Variants in SRBD1 observed in about 807,000 individuals in gnomAD.
SRBD1 encodes S1 RNA-binding domain-containing protein 1.
In SRBD1, 88 loss-of-function variants were observed where a neutral mutation model predicts 115.3. The ratio of observed to expected loss-of-function variants is 0.76; its 90% CI spans 0.64 to 0.91. The LOEUF (loss-of-function observed/expected upper bound fraction) is 0.91, where lower values mean the gene tolerates loss of function less well. Ranked by LOEUF, SRBD1 falls within the 40% of genes least tolerant of loss-of-function variation. The probability of loss-of-function intolerance (pLI) is 0.00; values close to 1 mark genes in which losing one functional copy is unlikely to be tolerated. For synonymous variants in SRBD1, 509 were observed against 407.7 expected (o/e 1.25, Z -2.99); for missense variants, 1,385 against 1,177.4 (o/e 1.18, Z -2.58).
chr2:45,463,017 CGG>C (rs11470984), intron 16 of SRBD1, among the ~76,000 whole-genome samples: 1,528 of 116,146 alleles, frequency 0.013, 25 homozygotes, highest in East Asian at 0.051. Context: ...GAGAATAACC[CGG>C]GGGGGGGGGG....
intron 10 of SRBD1, among the ~76,000 whole-genome samples, chr2:45,554,062 A>T (rs1272168947): frequency 6.6e-6 from 1 of 152,244 alleles, no homozygotes; most frequent in African/African-American, 2.4e-5. Flanking sequence ...CCACTGCTAC[A>T]GACTGAATTG....
At chr2:45,475,713 T>G (rs1264049672) in intron 16 of SRBD1, among the ~76,000 whole-genome samples, 1 of 152,196 alleles carries the variant, frequency 6.6e-6, no homozygotes, top group African/African-American at 2.4e-5. Flanking sequence ...ACTTTTTCTT[T>G]CTCGAGATGG....
chr2:45,517,477 A>T (rs1364811601), intron 14 of SRBD1, among the ~76,000 whole-genome samples: 1 of 152,220 alleles, frequency 6.6e-6, no homozygotes, highest in Non-Finnish European at 1.5e-5. Context: ...ATTAGGTGAA[A>T]GCAATTTCAC....
chr2:45,567,418 T>C (rs995779609), intron 9 of SRBD1, among the ~76,000 whole-genome samples: 5 of 152,060 alleles, frequency 3.3e-5, no homozygotes, highest in Non-Finnish European at 7.4e-5. Context: ...AAGATGAGCC[T>C]GGGCAACATG....
rs762335376 is a variant in SRBD1 at position 45,599,768 on chromosome 2, G to C, written c.329C>G (p.Thr110Ser). The change falls in exon 4 of 21, where the codon ACT becomes AGT. Residue 110 changes from threonine (T) to serine (S), a missense_variant. Coordinates refer to ENST00000263736, the MANE Select transcript of SRBD1 (RefSeq NM_018079.5). Reference sequence around the variant, plus strand: ...CTGTTTTGTCTTGGCTGTTTTCAGAGTCTGTACAGTATCCAATTTATTTTT... The same window carrying C: ...CTGTTTTGTCTTGGCTGTTTTCAGACTCTGTACAGTATCCAATTTATTTTT... ...DRKNKLDTVQ[T>S]LKTAKTKQKC... 4 of 1,614,158 alleles carry C rather than the reference G, an allele frequency of 2.5e-6. No homozygotes were observed. The highest frequency in any genetic ancestry group is 3.4e-6 in the Non-Finnish European group (4 of 1,180,034).
At chr2:45,435,485 G>A (rs1198519674) in intron 16 of SRBD1, among the ~76,000 whole-genome samples, 1 of 150,470 alleles carries the variant, frequency 6.6e-6, no homozygotes. Flanking sequence ...TCATATAAGT[G>A]ACATCTTAAG....
intron 14 of SRBD1, among the ~76,000 whole-genome samples, chr2:45,537,368 A>G (rs1671793238): frequency 6.6e-6 from 1 of 152,198 alleles, no homozygotes; most frequent in Non-Finnish European, 1.5e-5. Context: ...ATATAAAAAT[A>G]CACACACTCT....
At chr2:45,596,120 T>G (rs2104234240) in intron 4 of SRBD1, among the ~76,000 whole-genome samples, 1 of 152,324 alleles carries the variant, frequency 6.6e-6, no homozygotes, top group African/African-American at 2.4e-5. Flanking sequence ...TGAGACAACT[T>G]GCTTCCAAGT....
chr2:45,583,499 A>G (rs1673427445), intron 5 of SRBD1, among the ~76,000 whole-genome samples: 1 of 152,242 alleles, frequency 6.6e-6, no homozygotes, highest in Non-Finnish European at 1.5e-5. Flanking sequence ...TCAACAGTGA[A>G]TTTAAAAATG....
chr2:45,587,063 T>A (rs183737082), intron 4 of SRBD1, among the ~76,000 whole-genome samples: 981 of 63,306 alleles, frequency 0.015, 50 homozygotes, highest in African/African-American at 0.045. Context: ...TTATTTTAAA[T>A]TATAAATATT....
intron 4 of SRBD1, among the ~76,000 whole-genome samples, chr2:45,597,171 T>C (rs1277265400): frequency 3.3e-5 from 5 of 152,072 alleles, no homozygotes; most frequent in African/African-American, 1.2e-4. Flanking sequence ...CTGTAATCCC[T>C]GCACTTTGGG....
chr2:45,509,879 C>T (rs1393050461), intron 14 of SRBD1, among the ~76,000 whole-genome samples: 5 of 151,962 alleles, frequency 3.3e-5, no homozygotes, highest in Non-Finnish European at 5.9e-5. Context: ...GGATTACAGG[C>T]GTGTGCCACC....
At chr2:45,398,897 T>G (rs767229696) in intron 19 of SRBD1, among the ~76,000 whole-genome samples, 1 of 152,152 alleles carries the variant, frequency 6.6e-6, no homozygotes, top group African/African-American at 2.4e-5. Context: ...TACCTCTAAA[T>G]GAGTATGAGT....
chr2:45,579,800 G>GT, intron 7 of SRBD1, 75 bp downstream of exon 7: 1 of 1,431,444 alleles, frequency 7.0e-7, no homozygotes, highest in Non-Finnish European at 9.2e-7. Context: ...TAACAAAACA[G>GT]TTTTTTAACA....
rs1030465332 is a variant in SRBD1, at chr2:45,402,710, C to T, written c.2514-9581G>A. Among the ~76,000 whole-genome samples, 73 of 152,260 alleles carry T rather than the reference C, an allele frequency of 4.8e-4. 1 individual carries two copies. The highest frequency in any genetic ancestry group is 1.6e-3 in the African/African-American group (65 of 41,554). ...TATTTTTCAAGTTAAATCAAGAGCACAACCACTTTCAAGCTTAACTATCTG... is the reference window on the plus strand; with the variant it reads ...TATTTTTCAAGTTAAATCAAGAGCATAACCACTTTCAAGCTTAACTATCTG... On this transcript the variant is annotated intron_variant, in intron 19 of 20. Coordinates refer to ENST00000263736, the MANE Select transcript of SRBD1 (RefSeq NM_018079.5).
At chr2:45,552,699 T>G (rs996483839) in intron 11 of SRBD1, among the ~76,000 whole-genome samples, 9 of 152,198 alleles carry the variant, frequency 5.9e-5, no homozygotes, top group African/African-American at 1.7e-4. Flanking sequence ...TGAAATACAA[T>G]TCTAAAAGGA....
Position 45,553,717 on chromosome 2 carries a change from T to C in SRBD1, c.1423A>G (p.Ser475Gly). Residue 475 changes from serine to glycine, a missense_variant, in exon 11 of 21, where the codon AGC (serine) becomes GGC (glycine). Ser to Gly is a moderately conservative substitution (Grantham distance 56). Coordinates refer to ENST00000263736, the MANE Select transcript of SRBD1 (RefSeq NM_018079.5). ...WCIQNRWRPR[S>G]FARPELMKIL... ...TTCATTAACTCTGGCCTTGCAAAGC[T>C]ACGTGGTCTCCACCTGCAAAACAGA... The C allele has an allele frequency of 6.3e-7, 1 of 1,591,570 alleles. No individual in the cohort carries two copies. The highest frequency in any genetic ancestry group is 8.5e-7 in the Non-Finnish European group (1 of 1,170,448).
intron 14 of SRBD1, among the ~76,000 whole-genome samples, chr2:45,508,504 C>G (rs2103916239): frequency 6.6e-6 from 1 of 152,226 alleles, no homozygotes; most frequent in African/African-American, 2.4e-5. Flanking sequence ...TATGACAGGA[C>G]TCCAGTGAAT....
intron 9 of SRBD1, among the ~76,000 whole-genome samples, chr2:45,571,542 A>AAAAAAAAAAAAT (rs1673017246): frequency 7.0e-6 from 1 of 143,156 alleles, no homozygotes; most frequent in Non-Finnish European, 1.5e-5. Flanking sequence ...AAAAAAAAAA[A>AAAAAAAAAAAAT]CTGTCCATGA....
Sources: allele counts gnomAD v4.1 joint callset (sites outside exome capture counted in the v4.1 genomes callset), GRCh38; gene constraint gnomAD v4.1.1; transcripts MANE v1.5; gene names NCBI Gene and HGNC (gene_info 2026-07-23, HGNC 2026-07-21).